The following PRUNE2 variants were observed in gnomAD, a reference collection of about 807,000 sequenced individuals.
PRUNE2 encodes the protein protein prune homolog 2.
Under a neutral mutation model 252.0 loss-of-function variants are expected in PRUNE2, and 164 were observed. The observed-to-expected ratio is 0.65, with a 90% CI of 0.57 to 0.74. The LOEUF (loss-of-function observed/expected upper bound fraction) is 0.74, where lower values mean the gene tolerates loss of function less well. Ranked by LOEUF, PRUNE2 falls within the 30% of genes least tolerant of loss-of-function variation. PRUNE2 has a pLI of 0.00. For synonymous variants in PRUNE2, 1,292 were observed against 1,350.2 expected (o/e 0.96, Z 0.94); for missense variants, 3,495 against 3,711.0 (o/e 0.94, Z 1.51).
chr9:76,763,121 G>A (rs76513594), intron 6 of PRUNE2, among the ~76,000 whole-genome samples: 1,942 of 152,252 alleles, frequency 0.013, 36 homozygotes, highest in East Asian at 0.086. Flanking sequence ...TGTGAAGACT[G>A]AGGTCTTCTT....
intron 1 of PRUNE2, among the ~76,000 whole-genome samples, chr9:76,889,030 A>C (rs1001722909): frequency 1.3e-5 from 2 of 151,960 alleles, no homozygotes; most frequent in African/African-American, 4.8e-5. Context: ...TTTAGTAGAG[A>C]CGGGGTTTCA....
intron 6 of PRUNE2, among the ~76,000 whole-genome samples, chr9:76,742,043 G>T (rs1317358581): frequency 6.6e-6 from 1 of 152,138 alleles, no homozygotes; most frequent in East Asian, 1.9e-4. Flanking sequence ...ATGAATTAGA[G>T]ATCTAAACGT....
chr9:76,800,522 G>T (rs1184429223), intron 6 of PRUNE2, among the ~76,000 whole-genome samples: 1 of 152,188 alleles, frequency 6.6e-6, no homozygotes, highest in Non-Finnish European at 1.5e-5. Flanking sequence ...AAATTTAAAA[G>T]ATCCAGATTA....
chr9:76,781,797 T>G (rs1175175224), intron 6 of PRUNE2, among the ~76,000 whole-genome samples: 4 of 152,230 alleles, frequency 2.6e-5, no homozygotes. Flanking sequence ...ACGGTGAATG[T>G]CTTGGTATTT....
chr9:76,888,855 G>T (rs11145116), intron 1 of PRUNE2, among the ~76,000 whole-genome samples: 16,885 of 151,744 alleles, frequency 0.11, 1,190 homozygotes, highest in East Asian at 0.25. Flanking sequence ...TGTTGTTGTT[G>T]TTTTTGAGAC....
intron 18 of PRUNE2, among the ~76,000 whole-genome samples, chr9:76,617,329 C>T (rs1000837754): frequency 6.6e-6 from 1 of 152,154 alleles, no homozygotes; most frequent in African/African-American, 2.4e-5. Context: ...TGATCGAGCC[C>T]ATTGGAAGAA....
chr9:76,704,504 C>T (rs893727197), intron 8 of PRUNE2, among the ~76,000 whole-genome samples: 3 of 152,154 alleles, frequency 2.0e-5, no homozygotes, highest in East Asian at 1.9e-4. Flanking sequence ...AGATTACAGG[C>T]GTGAGCCACC....
chr9:76,733,211 C>G (rs2048782431), intron 6 of PRUNE2, among the ~76,000 whole-genome samples: 1 of 152,142 alleles, frequency 6.6e-6, no homozygotes, highest in Admixed American at 6.5e-5. Flanking sequence ...GCCCCAACAT[C>G]AAGAAAACAG....
Position 76,703,923 on chromosome 9 carries a change from C to T in PRUNE2, c.7690G>A (p.Glu2564Lys). The change falls in exon 9 of 19, where the codon GAG becomes AAG. Residue 2564 changes from glutamate (E) to lysine (K), a missense_variant. Transcript: ENST00000376718. ...ATGCTTTCTCTTTCTTCACAGGTCT[C>T]TGGCTTTGAGTGTGAATTTTCTTCA... ...NREENSHSKP[E>K]TCEERESIAE... The T allele has an allele frequency of 6.2e-7, 1 of 1,613,902 alleles. No individual in the cohort carries two copies. The highest frequency in any genetic ancestry group is 8.5e-7 in the Non-Finnish European group (1 of 1,179,878).
At chr9:76,617,769 G>C (rs1014625567) in intron 18 of PRUNE2, among the ~76,000 whole-genome samples, 9 of 152,158 alleles carry the variant, frequency 5.9e-5, no homozygotes, top group African/African-American at 2.2e-4. Context: ...CCCTACGTAG[G>C]AATAAGAAGC....
At chr9:76,679,152 AAAGTTGTTGT>A (rs1304113679) in intron 9 of PRUNE2, among the ~76,000 whole-genome samples, 1 of 152,210 alleles carries the variant, frequency 6.6e-6, no homozygotes, top group African/African-American at 2.4e-5. Flanking sequence ...ACTTACTTAG[AAAGTTGTTGT>A]AAGGATTAAA....
chr9:76,694,715 C>T (rs1047910769), intron 9 of PRUNE2, among the ~76,000 whole-genome samples: 4 of 151,884 alleles, frequency 2.6e-5, no homozygotes, highest in African/African-American at 9.7e-5. Flanking sequence ...GTATGCTGGG[C>T]ATTTGAGGAA....
chr9:76,832,997 T>C (rs559576482), intron 4 of PRUNE2, among the ~76,000 whole-genome samples: 2 of 152,276 alleles, frequency 1.3e-5, no homozygotes, highest in African/African-American at 4.8e-5. Context: ...TAGACTAGTT[T>C]TGTATCTATT....
intron 1 of PRUNE2, among the ~76,000 whole-genome samples, chr9:76,893,353 C>T (rs1366449252): frequency 3.9e-5 from 6 of 152,186 alleles, no homozygotes; most frequent in African/African-American, 1.4e-4. Context: ...AGTTACACAA[C>T]GAGAAATCGT....
intron 1 of PRUNE2, among the ~76,000 whole-genome samples, chr9:76,859,165 T>C (rs2060421435): frequency 6.6e-6 from 1 of 152,190 alleles, no homozygotes; most frequent in Admixed American, 6.5e-5. Flanking sequence ...ACTTCCAAAA[T>C]AGATGGACAG....
At chr9:76,730,756 C>T (rs1432247305) in intron 6 of PRUNE2, among the ~76,000 whole-genome samples, 1 of 152,040 alleles carries the variant, frequency 6.6e-6, no homozygotes, top group African/African-American at 2.4e-5. Flanking sequence ...AAAAATTAGC[C>T]GAGTGTGGTG....
rs752784090 is a variant in PRUNE2, at chr9:76,709,514, G to A, written c.2760C>T (p.Asn920=). The change falls in exon 8 of 19, where the codon AAC becomes AAT. Residue 920 remains asparagine, a synonymous_variant. Coordinates refer to ENST00000376718, the MANE Select transcript of PRUNE2 (RefSeq NM_015225.3). Reference sequence around the variant, plus strand: ...CTTTCTTCATATTCTCCTCAAAAAGGTTCCAGGAATCTACCTTTTCATATA... The same window carrying A: ...CTTTCTTCATATTCTCCTCAAAAAGATTCCAGGAATCTACCTTTTCATATA... ...GKVYEKVDSW[N]LFEENMKKGG... is the part of the protein sequence containing the mutation. 4 of 1,613,820 alleles carry A rather than the reference G, an allele frequency of 2.5e-6. No individual in the cohort carries two copies. Among genetic ancestry groups the A allele is most frequent in the East Asian group, 2.2e-5 (1 of 44,902 alleles).
intron 6 of PRUNE2, among the ~76,000 whole-genome samples, chr9:76,730,921 A>G (rs1304366792): frequency 6.6e-6 from 1 of 152,206 alleles, no homozygotes; most frequent in Non-Finnish European, 1.5e-5. Context: ...AAGAGACGAA[A>G]GAGATGAGGC....
intron 1 of PRUNE2, among the ~76,000 whole-genome samples, chr9:76,855,669 T>C (rs1401790743): frequency 1.3e-5 from 2 of 152,186 alleles, no homozygotes; most frequent in Non-Finnish European, 2.9e-5. Flanking sequence ...TATAATCCAA[T>C]ATGTAACATT....
Sources: gnomAD v4.1 joint callset for allele counts (sites outside exome capture counted in the v4.1 genomes callset) on GRCh38, gnomAD v4.1.1 for gene constraint, MANE v1.5 for transcripts, NCBI Gene and HGNC (gene_info 2026-07-23, HGNC 2026-07-21) for gene names.